The following MAP3K5 variants were observed in gnomAD, a reference collection of about 807,000 sequenced individuals.
The protein encoded by MAP3K5 is ASK-1.
In MAP3K5, 56 loss-of-function variants were observed where a neutral mutation model predicts 158.7. The observed-to-expected ratio is 0.35, with a 90% CI of 0.28 to 0.44. The LOEUF is 0.44. Ranked by LOEUF, MAP3K5 falls within the 20% of genes least tolerant of loss-of-function variation. MAP3K5 has a pLI of 1.00. For missense variants in MAP3K5, 1,294 were observed against 1,674.8 expected (o/e 0.77, Z 3.97); for synonymous variants, 579 against 601.7 (o/e 0.96, Z 0.55).
At chr6:136,616,300 C>CTTTTT (rs537263288) in intron 15 of MAP3K5, among the ~76,000 whole-genome samples, 3 of 122,688 alleles carry the variant, frequency 2.4e-5, no homozygotes, top group Non-Finnish European at 5.1e-5. Context: ...ACCTGCTCCT[C>CTTTTT]TTTTTTTTTT....
intron 3 of MAP3K5, among the ~76,000 whole-genome samples, chr6:136,700,902 T>G (rs1052448523): frequency 9.2e-5 from 14 of 152,168 alleles, no homozygotes; most frequent in Admixed American, 7.2e-4. Flanking sequence ...GTCCAGGTTA[T>G]CCATTCCTAG....
At chr6:136,762,733 T>C (rs1783811689) in intron 1 of MAP3K5, among the ~76,000 whole-genome samples, 1 of 152,118 alleles carries the variant, frequency 6.6e-6, no homozygotes, top group African/African-American at 2.4e-5. Context: ...AGGTTGCAGG[T>C]GAATTAAAGC....
intron 3 of MAP3K5, among the ~76,000 whole-genome samples, chr6:136,699,323 G>T (rs1780745899): frequency 6.6e-6 from 1 of 152,104 alleles, no homozygotes; most frequent in African/African-American, 2.4e-5. Flanking sequence ...CAATGGACCT[G>T]GCCTGAGCCA....
chr6:136,719,230 A>C (rs1781654517), intron 2 of MAP3K5, among the ~76,000 whole-genome samples: 1 of 152,134 alleles, frequency 6.6e-6, no homozygotes, highest in African/African-American at 2.4e-5. Flanking sequence ...AAATGAAAAG[A>C]GCTAAATAAA....
At chr6:136,668,339 G>C (rs934781414) in intron 8 of MAP3K5, among the ~76,000 whole-genome samples, 1 of 152,126 alleles carries the variant, frequency 6.6e-6, no homozygotes, top group African/African-American at 2.4e-5. Context: ...AGCTATGATC[G>C]CACCACTGCA....
At chr6:136,729,988 T>G (rs1246993554) in intron 1 of MAP3K5, among the ~76,000 whole-genome samples, 3 of 152,214 alleles carry the variant, frequency 2.0e-5, no homozygotes, top group African/African-American at 7.2e-5. Flanking sequence ...TGTGGTATTT[T>G]CTGAGACAGG....
chr6:136,641,778 A>G (rs1777951315), intron 12 of MAP3K5, among the ~76,000 whole-genome samples: 1 of 151,556 alleles, frequency 6.6e-6, no homozygotes, highest in Non-Finnish European at 1.5e-5. Flanking sequence ...CACTGAGGTC[A>G]GGAGTTTCAG....
At chr6:136,791,588 G>C in intron 1 of MAP3K5, 122 bp downstream of exon 1, 1 of 1,036,296 alleles carries the variant, frequency 9.6e-7, no homozygotes, top group South Asian at 1.5e-5. Flanking sequence ...AGCGGCGCTC[G>C]CTGCCCCCAA....
At chr6:136,624,799 C>T (rs538168014) in intron 14 of MAP3K5, among the ~76,000 whole-genome samples, 9 of 151,872 alleles carry the variant, frequency 5.9e-5, no homozygotes, top group South Asian at 2.1e-4. Flanking sequence ...TAAAAAAATC[C>T]ATTAGAAAAT....
chr6:136,726,872 T>C (rs942701804), intron 1 of MAP3K5, among the ~76,000 whole-genome samples: 1 of 152,156 alleles, frequency 6.6e-6, no homozygotes, highest in Admixed American at 6.5e-5. Flanking sequence ...TTTTTTCATA[T>C]ATATTATTTT....
At chr6:136,616,973 C>T (rs1562550458) in intron 15 of MAP3K5, among the ~76,000 whole-genome samples, 1 of 152,138 alleles carries the variant, frequency 6.6e-6, no homozygotes, top group Non-Finnish European at 1.5e-5. Flanking sequence ...CAGCCTCAGC[C>T]TCCCAAAGTG....
intron 13 of MAP3K5, among the ~76,000 whole-genome samples, chr6:136,637,935 C>T (rs571659915): frequency 2.1e-4 from 32 of 152,274 alleles, no homozygotes; most frequent in African/African-American, 7.5e-4. Flanking sequence ...TCCATCCATT[C>T]ATTCAACAAA....
intron 3 of MAP3K5, among the ~76,000 whole-genome samples, chr6:136,703,272 A>G (rs1294784842): frequency 2.6e-5 from 4 of 152,236 alleles, no homozygotes; most frequent in African/African-American, 9.6e-5. Context: ...TTCTTTTATC[A>G]GCCTGCTTCT....
rs777574329 is a variant in MAP3K5, at chr6:136,567,769, C to T, written c.3623G>A (p.Arg1208Gln). The T allele has an allele frequency of 1.4e-5, 23 of 1,613,976 alleles. No homozygotes were observed. Among genetic ancestry groups the T allele is most frequent in the Middle Eastern group, 1.6e-4 (1 of 6,082 alleles). Residue 1208 changes from arginine (R) to glutamine (Q), a missense_variant, in exon 26 of 30, where the codon CGA becomes CAA. By Grantham distance (43) the Arg-to-Gln change is conservative. Coordinates refer to ENST00000359015, the MANE Select transcript of MAP3K5 (RefSeq NM_005923.4). ...HEEQPSNQTV[R>Q]RPQAVIEDAV... is the part of the protein sequence containing the mutation. ...ATCTTCAATGACAGCCTGAGGTCTT[C>T]GGACAGTTTGATTTGAAGGCTGTTC...
At chr6:136,728,011 T>C (rs1481293758) in intron 1 of MAP3K5, among the ~76,000 whole-genome samples, 1 of 151,956 alleles carries the variant, frequency 6.6e-6, no homozygotes, top group African/African-American at 2.4e-5. Flanking sequence ...TTTAAAAGTA[T>C]AGACAAAGAC....
chr6:136,693,310 A>G lies in MAP3K5; in HGVS notation c.1253+830T>C, dbSNP rs543066956. ...GCCATACTGCAATATCTTAATCATT[A>G]CAGCTTTATAATGAGTCTTGTTAAC... On this transcript the variant is annotated intron_variant, in intron 7 of 29. Coordinates refer to ENST00000359015, the MANE Select transcript of MAP3K5 (RefSeq NM_005923.4). 1.5e-4 allele frequency among the ~76,000 whole-genome samples: 23 copies of G among 152,280 alleles called. No homozygotes were observed. The East Asian group carries it at 4.2e-3, about 28-fold the overall frequency.
rs141476349 is a variant in MAP3K5 at position 136,592,221 on chromosome 6, C to T, written c.3177G>A (p.Thr1059=). The stretch of plus-strand genomic sequence containing the variant: ...TTCTCACAATTTTGTCTTGGTCTTC[C>T]GTCAGGATCCTGTGAAGGGTAGCTC... ...ERRATLHRIL[T]EDQDKIVRNL... is the part of the protein sequence containing the mutation. Residue 1059 remains threonine, a synonymous_variant, in exon 23 of 30, where the codon ACG becomes ACA. Transcript: ENST00000359015. 127 of 1,607,354 alleles carry T rather than the reference C, an allele frequency of 7.9e-5. No homozygotes were observed. In the African/African-American group the frequency reaches 1.1e-3, roughly 14 times the overall value.
At chr6:136,654,688 C>T (rs772740578) in intron 10 of MAP3K5, among the ~76,000 whole-genome samples, 4 of 152,132 alleles carry the variant, frequency 2.6e-5, no homozygotes, top group Non-Finnish European at 4.4e-5. Flanking sequence ...TCAGGTGATC[C>T]GCCCACCTCG....
At chr6:136,757,176 C>A (rs930528517) in intron 1 of MAP3K5, among the ~76,000 whole-genome samples, 11 of 152,176 alleles carry the variant, frequency 7.2e-5, no homozygotes, top group African/African-American at 2.4e-4. Context: ...GGACGTGGGG[C>A]AAGAGCCACG....
Sources: allele counts gnomAD v4.1 joint callset (sites outside exome capture counted in the v4.1 genomes callset), GRCh38; gene constraint gnomAD v4.1.1; transcripts MANE v1.5; gene names NCBI Gene and HGNC (gene_info 2026-07-23, HGNC 2026-07-21).